PDLIM5: variants seen among roughly 807,000 people sequenced by gnomAD.
PDLIM5 encodes the protein PDZ and LIM domain 5.
A neutral mutation model predicts 64.2 loss-of-function variants in PDLIM5; 34 were observed. The observed-to-expected ratio is 0.53, with a 90% CI of 0.40 to 0.71. The LOEUF is 0.71. PDLIM5 is among the 30% of genes least tolerant of loss of function. PDLIM5 has a pLI of 0.00. For missense variants in PDLIM5, 683 were observed against 733.6 expected (o/e 0.93, Z 0.80); for synonymous variants, 253 against 269.1 (o/e 0.94, Z 0.59).
intron 3 of PDLIM5, among the ~76,000 whole-genome samples, chr4:94,543,052 G>A (rs1212972068): frequency 1.3e-5 from 2 of 152,170 alleles, no homozygotes; most frequent in African/African-American, 4.8e-5. Context: ...CTCGGATGAA[G>A]GTGCTTTGCA....
chr4:94,540,478 G>A (rs1230379392), intron 3 of PDLIM5, among the ~76,000 whole-genome samples: 1 of 152,146 alleles, frequency 6.6e-6, no homozygotes, highest in South Asian at 2.1e-4. Flanking sequence ...TTTGTCTAAC[G>A]TCACACAGCC....
At chr4:94,492,944 A>G (rs756294233) in intron 2 of PDLIM5, among the ~76,000 whole-genome samples, 1 of 152,188 alleles carries the variant, frequency 6.6e-6, no homozygotes, top group African/African-American at 2.4e-5. Flanking sequence ...TTGAGGAACT[A>G]TGAGACTATT....
intron 2 of PDLIM5, among the ~76,000 whole-genome samples, chr4:94,457,633 T>C (rs930479558): frequency 5.9e-5 from 9 of 152,234 alleles, no homozygotes; most frequent in Non-Finnish European, 1.0e-4. Flanking sequence ...TGTGTGGTAA[T>C]AGAAATGCAA....
chr4:94,502,032 C>T (rs1168204859), intron 2 of PDLIM5, among the ~76,000 whole-genome samples: 3 of 151,950 alleles, frequency 2.0e-5, no homozygotes, highest in Non-Finnish European at 4.4e-5. Flanking sequence ...TTTCTCTCTT[C>T]GTTTCCTTCT....
At chr4:94,456,110 A>T in intron 2 of PDLIM5, 3 of 690,258 alleles carry the variant, frequency 4.3e-6, no homozygotes, top group Non-Finnish European at 6.4e-6. Context: ...GGTAATTATT[A>T]CTATTATATA....
chr4:94,534,371 A>G (rs1282644975), intron 3 of PDLIM5, among the ~76,000 whole-genome samples: 7 of 152,200 alleles, frequency 4.6e-5, no homozygotes, highest in Admixed American at 4.6e-4. Flanking sequence ...ACTACCATTT[A>G]TTACTGAGGT....
intron 8 of PDLIM5, among the ~76,000 whole-genome samples, chr4:94,634,193 T>A (rs757956772): frequency 1.3e-5 from 2 of 152,140 alleles, no homozygotes; most frequent in Non-Finnish European, 2.9e-5. Context: ...ACTGACTTCA[T>A]TTTTACTGAC....
intron 9 of PDLIM5, among the ~76,000 whole-genome samples, chr4:94,649,401 A>G (rs1741670823): frequency 6.6e-6 from 1 of 152,336 alleles, no homozygotes; most frequent in Non-Finnish European, 1.5e-5. Flanking sequence ...CTCAAATATC[A>G]GAGTGTTCCT....
At chr4:94,629,583 TCCAAGTCC>T (rs996667226) in intron 8 of PDLIM5, among the ~76,000 whole-genome samples, 1 of 152,150 alleles carries the variant, frequency 6.6e-6, no homozygotes, top group African/African-American at 2.4e-5. Context: ...ATGAACATAA[TCCAAGTCC>T]CCACACTCAC....
chr4:94,468,208 A>G (rs1447161416), intron 2 of PDLIM5, among the ~76,000 whole-genome samples: 1 of 151,962 alleles, frequency 6.6e-6, no homozygotes, highest in Non-Finnish European at 1.5e-5. Context: ...GGTGGAGTGC[A>G]GTGGCACAAT....
rs1053362267 is a variant in PDLIM5 at position 94,535,711 on chromosome 4, C to T, written c.248+11836C>T. ...ATCTTGAACGAAAATGTTTAAGATT[C>T]GTGTTTCAGCATATACTAATTAAAC... On this transcript the variant is annotated intron_variant, in intron 3 of 12. Coordinates refer to ENST00000317968, the MANE Select transcript of PDLIM5 (RefSeq NM_006457.5). Among the ~76,000 whole-genome samples, 14 of 151,970 alleles carry T rather than the reference C, an allele frequency of 9.2e-5. No individual in the cohort carries two copies. In the South Asian group the frequency reaches 2.1e-3, roughly 23 times the overall value.
At chr4:94,556,800 T>C (rs2110226660) in intron 3 of PDLIM5, among the ~76,000 whole-genome samples, 1 of 152,348 alleles carries the variant, frequency 6.6e-6, no homozygotes, top group East Asian at 1.9e-4. Flanking sequence ...AGATTCTGGA[T>C]ATTAGCCCTT....
chr4:94,463,049 C>T (rs72874781), intron 2 of PDLIM5, among the ~76,000 whole-genome samples: 3,362 of 152,264 alleles, frequency 0.022, 95 homozygotes, highest in African/African-American at 0.07. Flanking sequence ...TAATTATCTC[C>T]ATCATTTGTT....
chr4:94,467,079 A>G (rs1407865137), intron 2 of PDLIM5, among the ~76,000 whole-genome samples: 1 of 152,226 alleles, frequency 6.6e-6, no homozygotes, highest in East Asian at 1.9e-4. Context: ...ACAGCAGTAC[A>G]GTTTAAGTAT....
At chr4:94,544,160 TAGTC>T (rs1732102611) in intron 3 of PDLIM5, among the ~76,000 whole-genome samples, 2 of 152,170 alleles carry the variant, frequency 1.3e-5, no homozygotes, top group African/African-American at 2.4e-5. Flanking sequence ...CTCTTCCTCT[TAGTC>T]TGTCTGTGTC....
At chr4:94,457,814 G>T (rs987485989) in intron 2 of PDLIM5, among the ~76,000 whole-genome samples, 1 of 152,218 alleles carries the variant, frequency 6.6e-6, no homozygotes, top group African/African-American at 2.4e-5. Flanking sequence ...TGCTTTCCTT[G>T]TGTAGACAGA....
intron 2 of PDLIM5, chr4:94,455,672 G>A: frequency 3.2e-6 from 3 of 944,976 alleles, no homozygotes; most frequent in South Asian, 3.2e-5. Flanking sequence ...CTAATTTGGG[G>A]AATTCTCTGA....
At chr4:94,476,708 T>C (rs1725356761) in intron 2 of PDLIM5, among the ~76,000 whole-genome samples, 1 of 152,158 alleles carries the variant, frequency 6.6e-6, no homozygotes, top group African/African-American at 2.4e-5. Flanking sequence ...TTAGAGGAGA[T>C]GTAACAAATA....
chr4:94,619,271 T>A (rs182754832), intron 8 of PDLIM5, among the ~76,000 whole-genome samples: 1 of 152,176 alleles, frequency 6.6e-6, no homozygotes. Flanking sequence ...ACAAATGACT[T>A]CTAATTTCCC....
Sources: allele counts gnomAD v4.1 joint callset (sites outside exome capture counted in the v4.1 genomes callset), GRCh38; gene constraint gnomAD v4.1.1; transcripts MANE v1.5; gene names NCBI Gene and HGNC (gene_info 2026-07-23, HGNC 2026-07-21).